Variants in RGS9 observed in about 807,000 individuals in gnomAD.
RGS9 encodes regulator of G-protein signalling 9.
RGS9 carries 78 observed loss-of-function variants against 102.0 expected under a neutral mutation model. That is an observed-to-expected ratio of 0.76 (90% confidence interval 0.64 to 0.92). The LOEUF (loss-of-function observed/expected upper bound fraction) is 0.92, where lower values mean the gene tolerates loss of function less well. RGS9 is among the 40% of genes least tolerant of loss of function. The pLI is 0.00. For synonymous variants in RGS9, 353 were observed against 318.6 expected (o/e 1.11, Z -1.15); for missense variants, 833 against 866.1 (o/e 0.96, Z 0.48).
chr17:65,190,320 G>T (rs182484152), intron 11 of RGS9, 84 bp downstream of exon 11: 4 of 1,070,458 alleles, frequency 3.7e-6, no homozygotes, highest in Non-Finnish European at 4.4e-6. Flanking sequence ...ACAAGTCCTG[G>T]GCTGACAGAC....
chr17:65,201,254 A>G (rs1912828659), intron 13 of RGS9, among the ~76,000 whole-genome samples: 1 of 152,132 alleles, frequency 6.6e-6, no homozygotes, highest in African/African-American at 2.4e-5. Context: ...TTGGAGGGAG[A>G]TGAAGGATTT....
rs1452215560 is a variant in RGS9, at chr17:65,202,097, G to T, written c.1064+17G>T. 6.3e-7 allele frequency: 1 copy of T among 1,587,180 alleles called. No homozygotes were observed. Among genetic ancestry groups the T allele is most frequent in the Non-Finnish European group, 8.7e-7 (1 of 1,156,042 alleles). On this transcript the variant is annotated intron_variant, in intron 14 of 18. Transcript: ENST00000262406. ...GATTTACAAGTGAGCATCAGCCAGGGTGCTGGAAAGCCTTCCCTTGGGCCT... is the reference window on the plus strand; with the variant it reads ...GATTTACAAGTGAGCATCAGCCAGGTTGCTGGAAAGCCTTCCCTTGGGCCT...
At chr17:65,200,396 C>T (rs1219778785) in intron 13 of RGS9, among the ~76,000 whole-genome samples, 2 of 152,182 alleles carry the variant, frequency 1.3e-5, no homozygotes, top group East Asian at 3.8e-4. Flanking sequence ...TTTGTTCATC[C>T]ATTCTTTTAT....
rs148554673 is a variant in RGS9 at position 65,194,655 on chromosome 17, G to A, written c.860+999G>A. ...GTGTTATTTGGAAGAGGGGGCAGAG[G>A]CAGAAACACAGGAGAGTTCCGGCAC... On this transcript the variant is annotated intron_variant, in intron 12 of 18. Transcript: ENST00000262406. 4.3e-3 allele frequency among the ~76,000 whole-genome samples: 654 copies of A among 152,252 alleles called. 5 individuals are homozygous for A. The highest frequency in any genetic ancestry group is 0.015 in the African/African-American group (628 of 41,534).
intron 1 of RGS9, among the ~76,000 whole-genome samples, chr17:65,141,651 A>C (rs1416189135): frequency 6.6e-6 from 1 of 152,230 alleles, no homozygotes; most frequent in Non-Finnish European, 1.5e-5. Context: ...CAAGGAGACA[A>C]GAAGTGTTCC....
At chr17:65,147,522 C>T (rs574842031) in intron 1 of RGS9, among the ~76,000 whole-genome samples, 181 of 151,772 alleles carry the variant, frequency 1.2e-3, no homozygotes, top group African/African-American at 4.1e-3. Context: ...TTTTCCACTT[C>T]AGGACTCCCT....
intron 17 of RGS9, among the ~76,000 whole-genome samples, chr17:65,221,142 C>T (rs1384823689): frequency 6.6e-6 from 1 of 152,212 alleles, no homozygotes; most frequent in Non-Finnish European, 1.5e-5. Context: ...AAAGGACCAT[C>T]TCAGGCCAGG....
intron 13 of RGS9, among the ~76,000 whole-genome samples, chr17:65,200,816 G>A (rs990272049): frequency 2.0e-5 from 3 of 151,984 alleles, no homozygotes; most frequent in Non-Finnish European, 4.4e-5. Flanking sequence ...GAAAAAACTT[G>A]CAGATGAACT....
intron 9 of RGS9, among the ~76,000 whole-genome samples, chr17:65,179,585 G>T (rs1434247216): frequency 1.3e-5 from 2 of 151,758 alleles, no homozygotes; most frequent in Non-Finnish European, 2.9e-5. Context: ...AGATGGGGGG[G>T]TGGGAACAAA....
intron 9 of RGS9, chr17:65,188,991 A>C: frequency 2.1e-6 from 1 of 481,646 alleles, no homozygotes; most frequent in Non-Finnish European, 3.8e-6. Context: ...TGTAGGCACT[A>C]TGCTAAACTG....
At chr17:65,226,128 C>A (rs773129177) in intron 18 of RGS9, among the ~76,000 whole-genome samples, 18 of 152,362 alleles carry the variant, frequency 1.2e-4, no homozygotes, top group Non-Finnish European at 2.6e-4. Flanking sequence ...TTCCCTGAGA[C>A]AGGCCAGAGG....
At chr17:65,153,166 TA>T (rs1423230570) in intron 1 of RGS9, among the ~76,000 whole-genome samples, 2 of 152,208 alleles carry the variant, frequency 1.3e-5, no homozygotes, top group Non-Finnish European at 2.9e-5. Flanking sequence ...CATCTTTCCT[TA>T]AAAGCCACCC....
chr17:65,137,699 G>A (rs1909962521), intron 1 of RGS9, 102 bp downstream of exon 1: 1 of 1,039,100 alleles, frequency 9.6e-7, no homozygotes, highest in Non-Finnish European at 1.5e-6. Context: ...ACCCCTTTGG[G>A]TCGATTTGTG....
chr17:65,178,154 T>C (rs945088293), intron 9 of RGS9, among the ~76,000 whole-genome samples: 6 of 152,332 alleles, frequency 3.9e-5, no homozygotes, highest in Non-Finnish European at 8.8e-5. Flanking sequence ...ACAGACATTC[T>C]GTACACAGTT....
chr17:65,161,908 G>A (rs947870434), intron 6 of RGS9, among the ~76,000 whole-genome samples: 1 of 150,838 alleles, frequency 6.6e-6, no homozygotes, highest in African/African-American at 2.4e-5. Flanking sequence ...AGGAGGCCCA[G>A]GCTAGTCTCA....
chr17:65,196,461 T>G (rs952458669), intron 12 of RGS9, among the ~76,000 whole-genome samples: 1 of 152,222 alleles, frequency 6.6e-6, no homozygotes, highest in African/African-American at 2.4e-5. Context: ...CTTTTTCTGA[T>G]TCTCTGGAAT....
At chr17:65,165,298 C>G (rs1034401681) in intron 7 of RGS9, among the ~76,000 whole-genome samples, 1 of 152,298 alleles carries the variant, frequency 6.6e-6, no homozygotes, top group Middle Eastern at 3.4e-3. Context: ...CTGCCCAGGT[C>G]CTGGGACATT....
intron 12 of RGS9, among the ~76,000 whole-genome samples, chr17:65,195,951 T>C (rs1912568243): frequency 6.6e-6 from 1 of 152,212 alleles, no homozygotes; most frequent in South Asian, 2.1e-4. Context: ...TCCTACTGAA[T>C]CAGAAACTCT....
chr17:65,160,381 T>C (rs1228831256), intron 4 of RGS9, 42 bp downstream of exon 4: 1 of 1,568,164 alleles, frequency 6.4e-7, no homozygotes, highest in Non-Finnish European at 8.8e-7. Context: ...ATGGGGTTGA[T>C]CTCATTTGAA....
Sources: allele counts gnomAD v4.1 joint callset (sites outside exome capture counted in the v4.1 genomes callset), GRCh38; gene constraint gnomAD v4.1.1; transcripts MANE v1.5; gene names NCBI Gene and HGNC (gene_info 2026-07-23, HGNC 2026-07-21).